The following LSR variants were observed in gnomAD, a reference collection of about 807,000 sequenced individuals.
LSR encodes the protein lipolysis stimulated lipoprotein receptor.
Under a neutral mutation model 61.8 loss-of-function variants are expected in LSR, and 44 were observed. That is an observed-to-expected ratio of 0.71 (90% CI 0.56 to 0.91). LSR has a LOEUF of 0.91. Among genes scored for constraint, LSR ranks in the 40% least tolerant of loss-of-function variants. The probability of loss-of-function intolerance (pLI) is 0.00; values close to 1 mark genes in which losing one functional copy is unlikely to be tolerated. For synonymous variants in LSR, 397 were observed against 350.6 expected (o/e 1.13, Z -1.48); for missense variants, 911 against 830.5 (o/e 1.10, Z -1.19).
chr19:35,256,289 G>A (rs960124852), intron 2 of LSR, among the ~76,000 whole-genome samples: 1 of 151,724 alleles, frequency 6.6e-6, no homozygotes, highest in African/African-American at 2.4e-5. Flanking sequence ...GCAGCAGAAT[G>A]AGAAAAGTTT....
In LSR at chr19:35,266,406, G is replaced by A. The variant is rs759336923; in HGVS notation, c.826G>A (p.Ala276Thr). The change falls in exon 6 of 10, where the codon GCC becomes ACC. Residue 276 changes from alanine to threonine, a missense_variant. Coordinates refer to ENST00000605618, the MANE Select transcript of LSR (RefSeq NM_205834.4). ...CACCTCAGGTGTTCCCAGCATTTAT[G>A]CCCCCAGCACCTATGCCCACCTGTC... ...AATSGVPSIYAPSTYAHLSPA... is the reference protein window; with the variant it reads ...AATSGVPSIYTPSTYAHLSPA... The A allele has an allele frequency of 1.2e-6, 2 of 1,605,140 alleles. No individual in the cohort carries two copies. The highest frequency in any genetic ancestry group is 1.1e-5 in the South Asian group (1 of 90,044).
intron 5 of LSR, 48 bp downstream of exon 5, chr19:35,262,740 C>T: frequency 6.3e-7 from 1 of 1,594,874 alleles, no homozygotes; most frequent in East Asian, 2.2e-5. Flanking sequence ...CATCCTGCAT[C>T]CAAGGGAAGG....
chr19:35,258,274 C>T (rs1329012347), intron 2 of LSR, among the ~76,000 whole-genome samples: 1 of 152,100 alleles, frequency 6.6e-6, no homozygotes, highest in Admixed American at 6.5e-5. Flanking sequence ...GGCGAAACTC[C>T]ATCTCTACTA....
intron 2 of LSR, among the ~76,000 whole-genome samples, chr19:35,256,283 C>A (rs2065855673): frequency 6.6e-6 from 1 of 151,146 alleles, no homozygotes; most frequent in African/African-American, 2.4e-5. Flanking sequence ...TCATAGGCAG[C>A]AGAATGAGAA....
chr19:35,262,281 C>G (rs1467283934), intron 4 of LSR, among the ~76,000 whole-genome samples: 2 of 152,160 alleles, frequency 1.3e-5, no homozygotes, highest in Non-Finnish European at 2.9e-5. Context: ...GTCTGTCTCC[C>G]TCTGTGCAGG....
In LSR at chr19:35,249,048, C is replaced by T. The variant is rs1363770340; in HGVS notation, c.26C>T (p.Ser9Phe). 4 of 1,587,762 alleles carry T rather than the reference C, an allele frequency of 2.5e-6. No individual in the cohort carries two copies. Among genetic ancestry groups the T allele is most frequent in the South Asian group, 1.1e-5 (1 of 88,874 alleles). ...ATGGCGCTGTTGGCCGGCGGGCTCT[C>T]CAGAGGGCTGGGCTCCCACCCGGCC... The part of the protein sequence containing the change: MALLAGGL[S>F]RGLGSHPAAA... Residue 9 changes from serine (S) to phenylalanine (F), a missense_variant, in exon 1 of 10, where the codon TCC (serine) becomes TTC (phenylalanine). Physicochemically the swap from Ser to Phe is radical, Grantham distance 155 (BLOSUM62 -2). Coordinates refer to ENST00000605618, the MANE Select transcript of LSR (RefSeq NM_205834.4).
In LSR at chr19:35,258,926, C is replaced by G. The variant is rs200188295; in HGVS notation, c.455-19C>G. On this transcript the variant is annotated intron_variant, in intron 2 of 9. Transcript: ENST00000605618. ...CCCCAGCCTCCAAGGTGCCCTCACG[C>G]CTTTTCATCCCGACTCAGATGCTGA... The G allele has an allele frequency of 4.7e-5, 76 of 1,613,578 alleles. No individual in the cohort carries two copies. In the African/African-American group the frequency reaches 1.0e-3, roughly 21 times the overall value.
chr19:35,258,439 G>A (rs2145513631), intron 2 of LSR, among the ~76,000 whole-genome samples: 1 of 144,706 alleles, frequency 6.9e-6, no homozygotes, highest in South Asian at 2.3e-4. Flanking sequence ...CAACAAGAGT[G>A]AAACTCCGAT....
At chr19:35,260,151 C>G (rs1782453633) in intron 3 of LSR, among the ~76,000 whole-genome samples, 2 of 152,170 alleles carry the variant, frequency 1.3e-5, no homozygotes, top group African/African-American at 2.4e-5. Context: ...CCATTTGCAT[C>G]AGCAGTTCCC....
At position 35,259,165 on chromosome 19, in the gene LSR, C is replaced by G. The variant is rs536489424; in HGVS notation, c.574+101C>G. 42 of 1,455,602 alleles carry G rather than the reference C, an allele frequency of 2.9e-5. No individual in the cohort carries two copies. In the African/African-American group the frequency reaches 4.1e-4, roughly 14 times the overall value. 90.2% of individuals were successfully genotyped at this position (1,455,602 alleles called of 1,614,324 possible). A position where few individuals can be genotyped will look rare whatever the true frequency, so the allele number is the denominator to read the frequency against. ...CGCCCTCTGCCCTCCAGCTTACCCT[C>G]TGGGCTCTGTCGCCTGCTCTGCTCT... On this transcript the variant is annotated intron_variant, in intron 3 of 9. Coordinates refer to ENST00000605618, the MANE Select transcript of LSR (RefSeq NM_205834.4).
In LSR at chr19:35,266,200, A is replaced by T. The variant is rs1022859659; in HGVS notation, c.779-159A>T. Among the ~76,000 whole-genome samples, 3 of 152,158 alleles carry T rather than the reference A, an allele frequency of 2.0e-5. No individual in the cohort carries two copies. In the East Asian group the frequency reaches 5.8e-4, roughly 29 times the overall value. On this transcript the variant is annotated intron_variant, in intron 5 of 9. Coordinates refer to ENST00000605618, the MANE Select transcript of LSR (RefSeq NM_205834.4). The stretch of plus-strand genomic sequence containing the variant: ...AGCCTCAGGGATGCTGCAGAAATGG[A>T]ATGAGGACCAACAGGGACTCAGATG...
intron 2 of LSR, among the ~76,000 whole-genome samples, chr19:35,253,905 C>T (rs2065825717): frequency 6.6e-6 from 1 of 152,176 alleles, no homozygotes; most frequent in Non-Finnish European, 1.5e-5. Flanking sequence ...CCTGCATGCT[C>T]CAGGGGCCTC....
Position 35,266,461 on chromosome 19 carries a change from T to G in LSR, c.881T>G (p.Met294Arg), listed in dbSNP as rs537487857. The stretch of plus-strand genomic sequence containing the variant: ...GCCAAGACCCCACCCCCACCAGCTA[T>G]GATTCCCATGGGCCCTGCCTACAAC... The part of the protein sequence containing the change: ...SPAKTPPPPA[M>R]IPMGPAYNGY... The change falls in exon 6 of 10, where the codon ATG (methionine) becomes AGG (arginine). Residue 294 changes from methionine to arginine, a missense_variant. Coordinates refer to ENST00000605618, the MANE Select transcript of LSR (RefSeq NM_205834.4). The G allele has an allele frequency of 1.2e-6, 2 of 1,613,040 alleles. No homozygotes were observed. Among genetic ancestry groups the G allele is most frequent in the South Asian group, 2.2e-5 (2 of 90,916 alleles).
intron 2 of LSR, chr19:35,253,317 TA>T (rs917904479): frequency 5.3e-4 from 78 of 148,228 alleles, no homozygotes; most frequent in South Asian, 1.5e-3. Flanking sequence ...GACTCCGTCT[TA>T]AAAAAAAAAG....
intron 1 of LSR, among the ~76,000 whole-genome samples, chr19:35,249,828 T>C (rs2065767056): frequency 6.6e-6 from 1 of 152,170 alleles, no homozygotes; most frequent in Non-Finnish European, 1.5e-5. Context: ...GTGGGGGCTT[T>C]AGTCCCTCCA....
At position 35,249,106 on chromosome 19, in the gene LSR, G is replaced by C; in HGVS notation, c.84G>C (p.Trp28Cys). 1 of 1,550,782 alleles carries C rather than the reference G, an allele frequency of 6.4e-7. No individual in the cohort carries two copies. Among genetic ancestry groups the C allele is most frequent in the South Asian group, 1.2e-5 (1 of 84,606 alleles). ...GCCGGGACGCGGTCGTCTTCGTGTG[G>C]CTTCTGCTTAGCACCTGGTGCACAG... is the stretch of plus-strand genomic sequence containing the variant. ...AAGRDAVVFV[W>C]LLLSTWCTAP... The change falls in exon 1 of 10, where the codon TGG becomes TGC. Residue 28 changes from tryptophan to cysteine, a missense_variant. Coordinates refer to ENST00000605618, the MANE Select transcript of LSR (RefSeq NM_205834.4).
Position 35,249,145 on chromosome 19 carries a change from G to A in LSR, c.109+14G>A. The A allele has an allele frequency of 6.6e-7, 1 of 1,521,146 alleles. No homozygotes were observed. Among genetic ancestry groups the A allele is most frequent in the Non-Finnish European group, 8.8e-7 (1 of 1,140,026 alleles). 94.2% of individuals were successfully genotyped at this position (1,521,146 alleles called of 1,614,324 possible). On this transcript the variant is annotated intron_variant, in intron 1 of 9. Transcript: ENST00000605618. ...CCTGGTGCACAGGTACGGGGCACGG[G>A]GCCTCTGACGCTGCGGAACGCCGGA...
chr19:35,249,310 C>G, intron 1 of LSR, 179 bp downstream of exon 1: 2 of 679,438 alleles, frequency 2.9e-6, no homozygotes, highest in African/African-American at 1.9e-5. Context: ...CCATTTGTGC[C>G]GGGGAGCGCT....
intron 5 of LSR, among the ~76,000 whole-genome samples, chr19:35,265,817 G>C (rs1249859845): frequency 8.8e-6 from 1 of 114,036 alleles, no homozygotes; most frequent in African/African-American, 2.9e-5. Context: ...AAGGTGACCA[G>C]GTGGGCAGGA....
Sources: gnomAD v4.1 joint callset for allele counts (sites outside exome capture counted in the v4.1 genomes callset) on GRCh38, gnomAD v4.1.1 for gene constraint, MANE v1.5 for transcripts, NCBI Gene and HGNC (gene_info 2026-07-23, HGNC 2026-07-21) for gene names.